The following NEU1 variants were observed in gnomAD, a reference collection of about 807,000 sequenced individuals.
The protein encoded by NEU1 is sialidase-1.
A neutral mutation model predicts 38.3 loss-of-function variants in NEU1; 32 were observed. That is an observed-to-expected ratio of 0.84 (90% CI 0.63 to 1.12). The LOEUF is 1.12. Among genes scored for constraint, NEU1 ranks in the 50% most tolerant of loss-of-function variants. The pLI is 0.00. For synonymous variants in NEU1, 192 were observed against 225.2 expected, an observed-to-expected ratio of 0.85 and a Z score of 1.32; for missense variants, 431 against 549.2, an observed-to-expected ratio of 0.78 and a Z score of 2.15.
chr6:31,861,027 G>T, intron 3 of NEU1, 161 bp downstream of exon 3: 1 of 963,528 alleles, frequency 1.0e-6, no homozygotes, highest in Non-Finnish European at 1.5e-6. Context: ...CTCTTCTCCT[G>T]ATAATGTGTT....
At chr6:31,861,862 C>T in intron 2 of NEU1, 137 bp downstream of exon 2, 1 of 944,244 alleles carries the variant, frequency 1.1e-6, no homozygotes, top group South Asian at 1.3e-5. Context: ...GACACTTGCC[C>T]TTCTCGGGTT....
Position 31,860,041 on chromosome 6 carries a change from C to G in NEU1, c.1021+1G>C, listed in dbSNP as rs1486980139. Reference sequence around the variant, plus strand: ...GCTGACCCCACCCATGAGGCACTCACGGAACTCTGGATGTGCTGGGTTGGA... The same window carrying G: ...GCTGACCCCACCCATGAGGCACTCAGGGAACTCTGGATGTGCTGGGTTGGA... On this transcript the variant is annotated splice_donor_variant, in intron 5 of 5. Coordinates refer to ENST00000375631, the MANE Select transcript of NEU1 (RefSeq NM_000434.4). LOFTEE classifies it high-confidence loss of function. This position sits in a 1 kb window ranked among gnomAD's most constrained non-coding sequence, Gnocchi z 4.8. 1 of 1,612,896 alleles carries G rather than the reference C, an allele frequency of 6.2e-7. No individual in the cohort carries two copies. The highest frequency in any genetic ancestry group is 8.5e-7 in the Non-Finnish European group (1 of 1,179,980).
Position 31,862,730 on chromosome 6 carries a change from C to G in NEU1, c.47G>C (p.Gly16Ala). ...TCCCCAGAAGCCCAGAATCCGCGGC[C>G]CCCAGCGTCTGTCCGGGAGCGCCGT... is the stretch of plus-strand genomic sequence containing the variant. ...PSTALPDRRW[G>A]PRILGFWGGC... is the part of the protein sequence containing the mutation. Residue 16 changes from glycine to alanine, a missense_variant, in exon 1 of 6, where the codon GGG (glycine) becomes GCG (alanine). Transcript: ENST00000375631. The surrounding 1 kb of genome is among the most constrained non-coding windows in gnomAD (Gnocchi z 6.3). The G allele has an allele frequency of 6.2e-7, 1 of 1,612,966 alleles. No homozygotes were observed. Among genetic ancestry groups the G allele is most frequent in the East Asian group, 2.2e-5 (1 of 44,870 alleles).
chr6:31,861,188 C>T lies in NEU1; in HGVS notation c.615G>A (p.Gln205=), dbSNP rs781137251. The stretch of plus-strand genomic sequence containing the variant: ...TCCACCTATCTCCTAGGACAGAGAC[C>T]TGAATACCAGAGCCCGGTCCAGGGG... ...VFAPGPGSGI[Q]KQREPRKGRL... Residue 205 remains glutamine (Q), a splice_region_variant and synonymous_variant, in exon 3 of 6, where the codon CAG becomes CAA. Transcript: ENST00000375631. 4 of 1,611,482 alleles carry T rather than the reference C, an allele frequency of 2.5e-6. No homozygotes were observed. The South Asian group carries it at 4.4e-5, about 18-fold the overall frequency.
In NEU1 at chr6:31,860,706, A is replaced by G; in HGVS notation, c.616-85T>C. ...AGAGAACCCACCACTTCCCAAATGC[A>G]ATCACATGTATGGTCCCCTTGAGTT... is the stretch of plus-strand genomic sequence containing the variant. On this transcript the variant is annotated intron_variant, in intron 3 of 5. Transcript: ENST00000375631. This position sits in a 1 kb window ranked among gnomAD's most constrained non-coding sequence, Gnocchi z 4.8. 6.9e-7 allele frequency: 1 copy of G among 1,459,406 alleles called. No homozygotes were observed. Among genetic ancestry groups the G allele is most frequent in the South Asian group, 1.1e-5 (1 of 87,780 alleles). The allele number at this position is 1,459,406 out of a possible 1,614,324, so 90.4% of individuals were successfully genotyped here.
chr6:31,862,613 C>T lies in NEU1; in HGVS notation c.159+5G>A. 1 of 1,613,090 alleles carries T rather than the reference C, an allele frequency of 6.2e-7. No homozygotes were observed. Among genetic ancestry groups the T allele is most frequent in the Non-Finnish European group, 8.5e-7 (1 of 1,180,032 alleles). On this transcript the variant is annotated splice_donor_5th_base_variant and intron_variant, in intron 1 of 5. Transcript: ENST00000375631. The surrounding 1 kb of genome is among the most constrained non-coding windows in gnomAD (Gnocchi z 6.3). ...GGGGATGGGGCTATGCAAAGGGTGA[C>T]TCACCAGACCGAAGTCGTTCTCAGC...
chr6:31,862,709 C>T lies in NEU1; in HGVS notation c.68G>A (p.Trp23Ter). 1 of 1,613,028 alleles carries T rather than the reference C, an allele frequency of 6.2e-7. No homozygotes were observed. Among genetic ancestry groups the T allele is most frequent in the Non-Finnish European group, 8.5e-7 (1 of 1,180,028 alleles). ...RRWGPRILGF[W>*]GGCRVWVFAA... ...AAACACCCAAACCCTACAGCCTCCC[C>T]AGAAGCCCAGAATCCGCGGCCCCCA... The change falls in exon 1 of 6, where the codon TGG becomes TAG. Residue 23 changes from tryptophan (W) to a stop codon, truncating the protein, a stop_gained. Transcript: ENST00000375631. LOFTEE classifies it high-confidence loss of function. The surrounding 1 kb of genome is among the most constrained non-coding windows in gnomAD (Gnocchi z 6.3).
At position 31,860,417 on chromosome 6, in the gene NEU1, G is replaced by A. The variant is rs1458438008; in HGVS notation, c.798+22C>T. 6.2e-7 allele frequency: 1 copy of A among 1,613,922 alleles called. No homozygotes were observed. Among genetic ancestry groups the A allele is most frequent in the East Asian group, 2.2e-5 (1 of 44,854 alleles). On this transcript the variant is annotated intron_variant, in intron 4 of 5. Coordinates refer to ENST00000375631, the MANE Select transcript of NEU1 (RefSeq NM_000434.4). The surrounding 1 kb of genome is among the most constrained non-coding windows in gnomAD (Gnocchi z 4.8). ...GGGCAGGGAGGGTCAAATGGGTAGG[G>A]AACATCTCATGGACTCCTGACCTGG...
rs1762437741 is a variant in NEU1, at chr6:31,859,932, G to A, written c.1035C>T (p.Thr345=). 4 of 1,612,982 alleles carry A rather than the reference G, an allele frequency of 2.5e-6. No homozygotes were observed. The East Asian group carries it at 8.9e-5, about 36-fold the overall frequency. The change falls in exon 6 of 6, where the codon ACC becomes ACT. Residue 345 remains threonine, a synonymous_variant. Transcript: ENST00000375631. ...PAHPEFRVNL[T]LRWSFSNGTS... ...TACCATTGCTGAAGCTCCATCGCAG[G>A]GTCAGGTTCACTCCTGGGGAGAGCA... is the stretch of plus-strand genomic sequence containing the variant.
At position 31,862,553 on chromosome 6, in the gene NEU1, CG is replaced by C. The variant is rs1762565987; in HGVS notation, c.159+64del. The stretch of plus-strand genomic sequence containing the variant: ...AAAGTCGGCTCAGCCGCCCGCGTTC[CG>C]GGGGACACTAGGTGTCGATCACCTG... On this transcript the variant is annotated intron_variant, in intron 1 of 5. Transcript: ENST00000375631. The surrounding 1 kb of genome is among the most constrained non-coding windows in gnomAD (Gnocchi z 6.3). The C allele has an allele frequency of 6.2e-7, 1 of 1,609,642 alleles. No individual in the cohort carries two copies. Among genetic ancestry groups the C allele is most frequent in the Admixed American group, 1.7e-5 (1 of 59,980 alleles).
Position 31,859,693 on chromosome 6 carries a change from G to T in NEU1, c.*26C>A. ...TCCTGAAGGCAGAGTCCTGAAGGCAGAATACCCCTGTGGCAGTGGCACAGC... is the reference window on the plus strand; with the variant it reads ...TCCTGAAGGCAGAGTCCTGAAGGCATAATACCCCTGTGGCAGTGGCACAGC... On this transcript the variant is annotated 3_prime_UTR_variant, in exon 6 of 6. Transcript: ENST00000375631. 1 of 1,608,664 alleles carries T rather than the reference G, an allele frequency of 6.2e-7. No homozygotes were observed. Among genetic ancestry groups the T allele is most frequent in the South Asian group, 1.1e-5 (1 of 91,042 alleles).
rs996397996 is a variant in NEU1, at chr6:31,862,489, G to A, written c.159+129C>T. On this transcript the variant is annotated intron_variant, in intron 1 of 5. Transcript: ENST00000375631. The surrounding 1 kb of genome is among the most constrained non-coding windows in gnomAD (Gnocchi z 6.3). The stretch of plus-strand genomic sequence containing the variant: ...GGAGAGGGGCTGGGAGCGGTAGGAG[G>A]AAACGGGGTCTGGGAGAAAGAAAAG... 1 of 1,339,772 alleles carries A rather than the reference G, an allele frequency of 7.5e-7. No individual in the cohort carries two copies. The highest frequency in any genetic ancestry group is 1.1e-6 in the Non-Finnish European group (1 of 949,758). 83.0% of individuals were successfully genotyped at this position (1,339,772 alleles called of 1,614,324 possible).
chr6:31,862,417 A>C lies in NEU1; in HGVS notation c.159+201T>G, dbSNP rs1046545158. Reference sequence around the variant, plus strand: ...GCCTTCAGGGAGGGAAGGGGACCCCAAAAGAGGAAGGGGCTCGAATGAGGA... The same window carrying C: ...GCCTTCAGGGAGGGAAGGGGACCCCCAAAGAGGAAGGGGCTCGAATGAGGA... On this transcript the variant is annotated intron_variant, in intron 1 of 5. Transcript: ENST00000375631. The surrounding 1 kb of genome is among the most constrained non-coding windows in gnomAD (Gnocchi z 6.3). Among the ~76,000 whole-genome samples the C allele has an allele frequency of 1.3e-5, 2 of 152,160 alleles. No homozygotes were observed. Among genetic ancestry groups the C allele is most frequent in the African/African-American group, 4.8e-5 (2 of 41,436 alleles).
In NEU1 at chr6:31,862,695, C is replaced by A. The variant is rs528924052; in HGVS notation, c.82G>T (p.Val28Phe). 1 of 1,613,038 alleles carries A rather than the reference C, an allele frequency of 6.2e-7. No individual in the cohort carries two copies. Among genetic ancestry groups the A allele is most frequent in the Non-Finnish European group, 8.5e-7 (1 of 1,180,014 alleles). ...RILGFWGGCR[V>F]WVFAAIFLLL... is the part of the protein sequence containing the mutation. ...AGGAAGATCGCGGCAAACACCCAAA[C>A]CCTACAGCCTCCCCAGAAGCCCAGA... Residue 28 changes from valine (V) to phenylalanine (F), a missense_variant, in exon 1 of 6, where the codon GTT becomes TTT. Coordinates refer to ENST00000375631, the MANE Select transcript of NEU1 (RefSeq NM_000434.4). This position sits in a 1 kb window ranked among gnomAD's most constrained non-coding sequence, Gnocchi z 6.3.
In NEU1 at chr6:31,858,832, T is replaced by C. The variant is rs1016942574; in HGVS notation, c.*887A>G. The C allele has an allele frequency of 6.6e-6, 1 of 151,544 alleles. No homozygotes were observed. The highest frequency in any genetic ancestry group is 1.5e-5 in the Non-Finnish European group (1 of 67,908). The allele number at this position is 151,544 out of a possible 1,614,324, so 9.4% of individuals were successfully genotyped here. A position where few individuals can be genotyped will look rare whatever the true frequency, so the allele number is the denominator to read the frequency against. On this transcript the variant is annotated 3_prime_UTR_variant, in exon 6 of 6. Transcript: ENST00000375631. ...GAGTTCCATACCAGCCTGGGCAACA[T>C]AGCGCAACCTTGTCTCTACTGAAAA...
Position 31,862,120 on chromosome 6 carries a change from G to GA in NEU1, c.230dup (p.Arg78ProfsTer18), listed in dbSNP as rs760800626. ...GAGTGGCTGTGATGAGCGGGATGCG[G>GA]AAGGTGTCCACTGAGCCGATCTGTC... On this transcript the variant is annotated frameshift_variant, in exon 2 of 6. Transcript: ENST00000375631. LOFTEE classifies it high-confidence loss of function. This position sits in a 1 kb window ranked among gnomAD's most constrained non-coding sequence, Gnocchi z 6.3. 1 of 1,613,102 alleles carries GA rather than the reference G, an allele frequency of 6.2e-7. No homozygotes were observed. Among genetic ancestry groups the GA allele is most frequent in the South Asian group, 1.1e-5 (1 of 91,086 alleles).
chr6:31,860,112 C>T lies in NEU1; in HGVS notation c.951G>A (p.Val317=). ...VTFDPELVDP[V]VAAGAVVTSS... ...TGGTGACTACAGCTCCTGCAGCTACCACAGGGTCCACGAGCTCAGGGTCGA... is the reference window on the plus strand; with the variant it reads ...TGGTGACTACAGCTCCTGCAGCTACTACAGGGTCCACGAGCTCAGGGTCGA... The change falls in exon 5 of 6, where the codon GTG becomes GTA. Residue 317 remains valine (V), a synonymous_variant. Coordinates refer to ENST00000375631, the MANE Select transcript of NEU1 (RefSeq NM_000434.4). The surrounding 1 kb of genome is among the most constrained non-coding windows in gnomAD (Gnocchi z 4.8). The T allele has an allele frequency of 6.2e-7, 1 of 1,613,028 alleles. No homozygotes were observed. The highest frequency in any genetic ancestry group is 8.5e-7 in the Non-Finnish European group (1 of 1,180,024).
At position 31,862,696 on chromosome 6, in the gene NEU1, C is replaced by T; in HGVS notation, c.81G>A (p.Arg27=). The change falls in exon 1 of 6, where the codon AGG becomes AGA. Residue 27 remains arginine, a synonymous_variant. Coordinates refer to ENST00000375631, the MANE Select transcript of NEU1 (RefSeq NM_000434.4). The surrounding 1 kb of genome is among the most constrained non-coding windows in gnomAD (Gnocchi z 6.3). The part of the protein sequence containing the change: ...PRILGFWGGC[R]VWVFAAIFLL... The stretch of plus-strand genomic sequence containing the variant: ...GGAAGATCGCGGCAAACACCCAAAC[C>T]CTACAGCCTCCCCAGAAGCCCAGAA... 1 of 1,613,030 alleles carries T rather than the reference C, an allele frequency of 6.2e-7. No homozygotes were observed. The highest frequency in any genetic ancestry group is 1.1e-5 in the South Asian group (1 of 91,074).
Position 31,860,444 on chromosome 6 carries a change from A to G in NEU1, c.793T>C (p.Cys265Arg). ...ACATCTCATGGACTCCTGACCTGGC[A>G]TTCATCAGGATTGAAATCATTTTCC... is the stretch of plus-strand genomic sequence containing the variant. ...KQENDFNPDE[C>R]QPYELPDGSV... Residue 265 changes from cysteine (C) to arginine (R), a missense_variant, in exon 4 of 6, where the codon TGC (cysteine) becomes CGC (arginine). Cys to Arg is a radical substitution (Grantham distance 180). Transcript: ENST00000375631. The surrounding 1 kb of genome is among the most constrained non-coding windows in gnomAD (Gnocchi z 4.8). The G allele has an allele frequency of 1.9e-6, 3 of 1,614,004 alleles. No individual in the cohort carries two copies. Among genetic ancestry groups the G allele is most frequent in the Non-Finnish European group, 2.5e-6 (3 of 1,179,974 alleles).
Sources: allele counts gnomAD v4.1 joint callset (sites outside exome capture counted in the v4.1 genomes callset), GRCh38; gene constraint gnomAD v4.1.1; non-coding constraint Gnocchi (gnomAD v3.1); transcripts MANE v1.5; gene names NCBI Gene and HGNC (gene_info 2026-07-23, HGNC 2026-07-21).